APCDD1: variants seen among roughly 807,000 people sequenced by gnomAD.
APCDD1 encodes protein APCDD1.
In APCDD1, 15 loss-of-function variants were observed where a neutral mutation model predicts 38.1. The observed-to-expected ratio is 0.39, with a 90% CI of 0.26 to 0.61. APCDD1 has a LOEUF of 0.61. APCDD1 is among the 20% of genes least tolerant of loss of function. APCDD1 has a pLI of 0.49. For synonymous variants in APCDD1, 261 were observed against 279.7 expected (o/e 0.93, Z 0.67); for missense variants, 647 against 696.2 (o/e 0.93, Z 0.79).
chr18:10,484,215 C>T (rs1382246950), intron 3 of APCDD1, among the ~76,000 whole-genome samples: 1 of 152,170 alleles, frequency 6.6e-6, no homozygotes, highest in Non-Finnish European at 1.5e-5. Context: ...AACCTGGAGG[C>T]GGGCAGACCG....
In APCDD1 at chr18:10,472,173, G is replaced by T; in HGVS notation, c.774+112G>T. On this transcript the variant is annotated intron_variant, in intron 3 of 4. Transcript: ENST00000355285. This position sits in a 1 kb window ranked among gnomAD's most constrained non-coding sequence, Gnocchi z 6.6. The stretch of plus-strand genomic sequence containing the variant: ...TTGAAAGGGGGAATTCTGCATCATG[G>T]CGGGGCAGGCCAAGGTGGGGCTGCT... 1 of 1,472,816 alleles carries T rather than the reference G, an allele frequency of 6.8e-7. No individual in the cohort carries two copies. Among genetic ancestry groups the T allele is most frequent in the Non-Finnish European group, 9.4e-7 (1 of 1,067,064 alleles). 91.2% of individuals were successfully genotyped at this position (1,472,816 alleles called of 1,614,324 possible). A position where few individuals can be genotyped will look rare whatever the true frequency, so the allele number is the denominator to read the frequency against.
At chr18:10,464,309 T>G (rs1165290858) in intron 1 of APCDD1, among the ~76,000 whole-genome samples, 2 of 71,292 alleles carry the variant, frequency 2.8e-5, no homozygotes, top group Non-Finnish European at 5.4e-5. Flanking sequence ...AGCTTCAAAG[T>G]AAACACACAC....
chr18:10,481,987 G>T (rs561377486), intron 3 of APCDD1, among the ~76,000 whole-genome samples: 1 of 152,130 alleles, frequency 6.6e-6, no homozygotes, highest in African/African-American at 2.4e-5. Flanking sequence ...CTAAAGGAAA[G>T]CACCTCTGAA....
chr18:10,487,739 A>C lies in APCDD1; in HGVS notation c.1246A>C (p.Lys416Gln). ...CAATGGCTGCGTGGCCCTGGGCATC[A>C]AACTACCTCACACGGAGTACGAGAT... ...HTNGCVALGI[K>Q]LPHTEYEIFK... Residue 416 changes from lysine (K) to glutamine (Q), a missense_variant, in exon 5 of 5, where the codon AAA (lysine) becomes CAA (glutamine). Coordinates refer to ENST00000355285, the MANE Select transcript of APCDD1 (RefSeq NM_153000.5). 6.2e-7 allele frequency: 1 copy of C among 1,614,156 alleles called. No homozygotes were observed. The highest frequency in any genetic ancestry group is 8.5e-7 in the Non-Finnish European group (1 of 1,180,036).
In APCDD1 at chr18:10,485,902, G is replaced by A; in HGVS notation, c.1096+119G>A. On this transcript the variant is annotated intron_variant, in intron 4 of 4. Coordinates refer to ENST00000355285, the MANE Select transcript of APCDD1 (RefSeq NM_153000.5). This position sits in a 1 kb window ranked among gnomAD's most constrained non-coding sequence, Gnocchi z 5.8. Reference sequence around the variant, plus strand: ...TGCCTGAGTTCCCAGGAAAGAAATTGGGGAGTCATTTCTGCCTCAGTCCTT... The same window carrying A: ...TGCCTGAGTTCCCAGGAAAGAAATTAGGGAGTCATTTCTGCCTCAGTCCTT... 1 of 1,163,398 alleles carries A rather than the reference G, an allele frequency of 8.6e-7. No homozygotes were observed. The highest frequency in any genetic ancestry group is 1.2e-6 in the Non-Finnish European group (1 of 807,936). 72.1% of individuals were successfully genotyped at this position (1,163,398 alleles called of 1,614,324 possible). A position where few individuals can be genotyped will look rare whatever the true frequency, so the allele number is the denominator to read the frequency against.
chr18:10,488,008 C>T lies in APCDD1; in HGVS notation c.1515C>T (p.Val505=). The change falls in exon 5 of 5, where the codon GTC becomes GTT. Residue 505 remains valine (V), a synonymous_variant. Coordinates refer to ENST00000355285, the MANE Select transcript of APCDD1 (RefSeq NM_153000.5). ...SLLLAALACL[V]PLLHWNIRR ...TGCTGGCTGCACTTGCCTGCCTTGTCCCTCTGCTGCATTGGAACATCCGCA... is the reference window on the plus strand; with the variant it reads ...TGCTGGCTGCACTTGCCTGCCTTGTTCCTCTGCTGCATTGGAACATCCGCA... 6.2e-7 allele frequency: 1 copy of T among 1,613,848 alleles called. No individual in the cohort carries two copies. The highest frequency in any genetic ancestry group is 8.5e-7 in the Non-Finnish European group (1 of 1,180,048).
chr18:10,483,341 C>A (rs2031181122), intron 3 of APCDD1, among the ~76,000 whole-genome samples: 1 of 152,216 alleles, frequency 6.6e-6, no homozygotes, highest in Non-Finnish European at 1.5e-5. Flanking sequence ...TAGGAAACTG[C>A]AGGCCAAAAA....
intron 1 of APCDD1, among the ~76,000 whole-genome samples, chr18:10,455,894 C>T (rs1214259203): frequency 1.3e-5 from 2 of 152,178 alleles, no homozygotes; most frequent in Admixed American, 1.3e-4. Context: ...CAGATCACGT[C>T]GTGTTGATGT....
At chr18:10,482,125 C>T (rs533935988) in intron 3 of APCDD1, among the ~76,000 whole-genome samples, 2 of 152,286 alleles carry the variant, frequency 1.3e-5, no homozygotes, top group African/African-American at 2.4e-5. Flanking sequence ...CAAGAACTAA[C>T]GTCCCTTATT....
intron 1 of APCDD1, among the ~76,000 whole-genome samples, chr18:10,462,411 C>A (rs1202817375): frequency 1.1e-5 from 1 of 91,292 alleles, no homozygotes; most frequent in African/African-American, 5.6e-5. Flanking sequence ...GTCTTCTTTC[C>A]TTCCTTCCTT....
chr18:10,468,589 A>G lies in APCDD1; in HGVS notation c.179A>G (p.His60Arg), dbSNP rs749861468. 32 of 1,614,114 alleles carry G rather than the reference A, an allele frequency of 2.0e-5. 1 individual carries two copies. The South Asian group carries it at 2.7e-4, about 14-fold the overall frequency. ...TGCCATCACATGCTCAAACATCTCC[A>G]CAATGGTGCAAGGATCACAGTGCAG... ...SQCHHMLKHLHNGARITVQMP... is the reference protein window; with the variant it reads ...SQCHHMLKHLRNGARITVQMP... The change falls in exon 2 of 5, where the codon CAC (histidine) becomes CGC (arginine). Residue 60 changes from histidine to arginine, a missense_variant. Physicochemically the swap from His to Arg is conservative, Grantham distance 29 (BLOSUM62 0). Coordinates refer to ENST00000355285, the MANE Select transcript of APCDD1 (RefSeq NM_153000.5).
At position 10,487,630 on chromosome 18, in the gene APCDD1, C is replaced by T; in HGVS notation, c.1137C>T (p.Ala379=). The T allele has an allele frequency of 1.2e-6, 2 of 1,614,204 alleles. No homozygotes were observed. Among genetic ancestry groups the T allele is most frequent in the East Asian group, 2.2e-5 (1 of 44,884 alleles). Residue 379 remains alanine, a synonymous_variant, in exon 5 of 5, where the codon GCC becomes GCT. Transcript: ENST00000355285. ...MKVTPMDAAT[A]SLLNVFNGNE... ...TCACCCCCATGGATGCGGCCACAGC[C>T]TCACTGCTCAACGTCTTCAACGGGA...
rs558952117 is a variant in APCDD1 at position 10,483,507 on chromosome 18, G to T, written c.775-1955G>T. 3.9e-5 allele frequency among the ~76,000 whole-genome samples: 6 copies of T among 152,376 alleles called. No individual in the cohort carries two copies. The East Asian group carries it at 7.7e-4, about 20-fold the overall frequency. ...TGCCCATCTAATGCACACAGCAGCA[G>T]CGCAAGTTAGTGAGCAGCAGCTGGG... On this transcript the variant is annotated intron_variant, in intron 3 of 4. Transcript: ENST00000355285.
intron 3 of APCDD1, among the ~76,000 whole-genome samples, chr18:10,482,468 G>T (rs549065724): frequency 2.5e-4 from 38 of 152,338 alleles, no homozygotes; most frequent in African/African-American, 8.9e-4. Flanking sequence ...CTGACGGGAA[G>T]ATCTGACTCC....
In APCDD1 at chr18:10,489,170, C is replaced by A. The variant is rs1009466828; in HGVS notation, c.*1132C>A. On this transcript the variant is annotated 3_prime_UTR_variant, in exon 5 of 5. Coordinates refer to ENST00000355285, the MANE Select transcript of APCDD1 (RefSeq NM_153000.5). ...GGCTCACTCAGTGTCTTTCCTGCTG[C>A]TGATGTGGCTCTGTGCTGGCAGTTT... The A allele has an allele frequency of 6.6e-6, 1 of 152,560 alleles. No homozygotes were observed. Among genetic ancestry groups the A allele is most frequent in the African/African-American group, 2.4e-5 (1 of 41,578 alleles). The allele number at this position is 152,560 out of a possible 1,614,324, so 9.5% of individuals were successfully genotyped here.
intron 1 of APCDD1, among the ~76,000 whole-genome samples, chr18:10,464,570 G>A (rs1349748580): frequency 6.6e-6 from 1 of 152,152 alleles, no homozygotes; most frequent in Non-Finnish European, 1.5e-5. Context: ...CTACAGGCAT[G>A]TGCCACTGTG....
At chr18:10,458,049 A>G (rs1326534911) in intron 1 of APCDD1, among the ~76,000 whole-genome samples, 1 of 152,242 alleles carries the variant, frequency 6.6e-6, no homozygotes. Context: ...CTTTGCTTAG[A>G]TAAAAGCCAC....
rs567342883 is a variant in APCDD1, at chr18:10,472,640, A to C, written c.774+579A>C. Among the ~76,000 whole-genome samples the C allele has an allele frequency of 2.3e-4, 35 of 152,156 alleles. No homozygotes were observed. The highest frequency in any genetic ancestry group is 4.1e-4 in the South Asian group (2 of 4,824). ...TGGCTCCTGCCCAGGCCACGCGGCT[A>C]CTGAGTTTTCCTGCTGGACCATGAG... On this transcript the variant is annotated intron_variant, in intron 3 of 4. Coordinates refer to ENST00000355285, the MANE Select transcript of APCDD1 (RefSeq NM_153000.5). This position sits in a 1 kb window ranked among gnomAD's most constrained non-coding sequence, Gnocchi z 6.6.
chr18:10,466,006 T>TG (rs1351994243), intron 1 of APCDD1, among the ~76,000 whole-genome samples: 1 of 152,192 alleles, frequency 6.6e-6, no homozygotes, highest in Non-Finnish European at 1.5e-5. Flanking sequence ...GGTTTACAAA[T>TG]CAAGTTTTAG....
Sources: gnomAD v4.1 joint callset for allele counts (sites outside exome capture counted in the v4.1 genomes callset) on GRCh38, gnomAD v4.1.1 for gene constraint, Gnocchi (gnomAD v3.1) non-coding constraint, MANE v1.5 for transcripts, NCBI Gene and HGNC (gene_info 2026-07-23, HGNC 2026-07-21) for gene names.